ZFP90: variants seen among roughly 807,000 people sequenced by gnomAD.
The protein encoded by ZFP90 is zinc finger protein 90 homolog.
Under a neutral mutation model 60.8 loss-of-function variants are expected in ZFP90, and 38 were observed. The observed-to-expected ratio is 0.62, with a 90% CI of 0.48 to 0.82. The LOEUF is 0.82. Among genes scored for constraint, ZFP90 ranks in the 40% least tolerant of loss-of-function variants. ZFP90 has a pLI of 0.00. For synonymous variants in ZFP90, 287 were observed against 264.8 expected (o/e 1.08, Z -0.82); for missense variants, 711 against 759.1 (o/e 0.94, Z 0.74).
At chr16:68,537,155 TC>T (rs2090966856), upstream of ZFP90, among the ~76,000 whole-genome samples, 2 of 151,332 alleles carry the variant, frequency 1.3e-5, no homozygotes, top group Admixed American at 6.6e-5. Flanking sequence ...AGACAGAGTC[TC>T]CATCTCTCAC....
chr16:68,558,440 A>T (rs1163813732), intron 3 of ZFP90, 33 bp from the exon 4 acceptor site: 5 of 1,602,324 alleles, frequency 3.1e-6, no homozygotes, highest in Non-Finnish European at 4.3e-6. Flanking sequence ...ACTTGCACAA[A>T]CAACCAAATC....
At chr16:68,542,890 A>G (rs532659301) in intron 2 of ZFP90, among the ~76,000 whole-genome samples, 1 of 152,220 alleles carries the variant, frequency 6.6e-6, no homozygotes, top group Non-Finnish European at 1.5e-5. Context: ...GAACAAAATT[A>G]GGACCCTGCT....
downstream of ZFP90, among the ~76,000 whole-genome samples, chr16:68,569,971 T>C (rs906667654): frequency 2.0e-5 from 3 of 152,094 alleles, no homozygotes; most frequent in Non-Finnish European, 4.4e-5. Context: ...GCATTTATTT[T>C]TTTTTTCGTC....
intron 2 of ZFP90, among the ~76,000 whole-genome samples, chr16:68,540,326 A>G (rs927494337): frequency 6.6e-6 from 1 of 152,148 alleles, no homozygotes; most frequent in Non-Finnish European, 1.5e-5. Flanking sequence ...CAAAAACAAA[A>G]CAAAATAAAA....
In ZFP90 at chr16:68,548,514, G is replaced by A. The variant is rs150743228; in HGVS notation, c.33+8689G>A. Among the ~76,000 whole-genome samples, 512 of 90,228 alleles carry A rather than the reference G, an allele frequency of 5.7e-3. 4 individuals carry two copies. The highest frequency in any genetic ancestry group is 0.022 in the African/African-American group (466 of 21,096). 59.2% of individuals were successfully genotyped at this position (90,228 alleles called of 152,430 possible). On this transcript the variant is annotated intron_variant, in intron 2 of 4. Transcript: ENST00000563169. ...TTTTTTTTTTTTTTTTATTGAGACGGAGTTTCGCTCTTATTGCCCAGGCTG... is the reference window on the plus strand; with the variant it reads ...TTTTTTTTTTTTTTTTATTGAGACGAAGTTTCGCTCTTATTGCCCAGGCTG...
rs34731750 is a variant in ZFP90, at chr16:68,576,040, T to TAA, written c.*180_*181dup. ...TGCAGCAAGCTAGGAAACATTTATTTAAAAAAAAAAAAAAAAAGCATTTCA... is the reference window on the plus strand; with the variant it reads ...TGCAGCAAGCTAGGAAACATTTATTTAAAAAAAAAAAAAAAAAAAGCATTTCA... On this transcript the variant is annotated 3_prime_UTR_variant, in exon 3 of 3. Coordinates refer to the ZFP90 transcript ENST00000573113. 2,253 of 276,772 alleles carry TAA rather than the reference T, an allele frequency of 8.1e-3. 23 individuals carry two copies. Among genetic ancestry groups the TAA allele is most frequent in the African/African-American group, 0.029 (1,246 of 42,564 alleles). The allele number at this position is 276,772 out of a possible 1,614,324, so 17.1% of individuals were successfully genotyped here. A position where few individuals can be genotyped will look rare whatever the true frequency, so the allele number is the denominator to read the frequency against.
chr16:68,560,945 G>T (rs975026232), intron 4 of ZFP90, among the ~76,000 whole-genome samples: 14 of 148,180 alleles, frequency 9.4e-5, no homozygotes, highest in Non-Finnish European at 5.9e-5. Context: ...ACAATGGCAT[G>T]ATGCAGTGGC....
At chr16:68,573,761 T>A (rs1051803226) in intron 2 of ZFP90, 1 of 152,176 alleles carries the variant, frequency 6.6e-6, no homozygotes, top group African/African-American at 2.4e-5. Flanking sequence ...AGATGTGTAG[T>A]TCCGCCAGGT....
chr16:68,561,955 T>G (rs112000061), intron 4 of ZFP90: 1 of 152,206 alleles, frequency 6.6e-6, no homozygotes, highest in East Asian at 1.9e-4. Flanking sequence ...CCACCAAGAT[T>G]ATCACATTTG....
intron 2 of ZFP90, among the ~76,000 whole-genome samples, chr16:68,553,770 C>G (rs1191831163): frequency 6.6e-6 from 1 of 152,164 alleles, no homozygotes; most frequent in African/African-American, 2.4e-5. Flanking sequence ...AGATGCAAGC[C>G]ACCATGCCCA....
intron 4 of ZFP90, chr16:68,562,278 T>C (rs956396284): frequency 6.6e-6 from 1 of 152,260 alleles, no homozygotes; most frequent in Non-Finnish European, 1.5e-5. Flanking sequence ...TTTCCATCAC[T>C]CCAAAAAGCT....
In ZFP90 at chr16:68,563,356, G is replaced by A; in HGVS notation, c.569G>A (p.Ser190Asn). 2 of 1,614,170 alleles carry A rather than the reference G, an allele frequency of 1.2e-6. No individual in the cohort carries two copies. The highest frequency in any genetic ancestry group is 1.7e-6 in the Non-Finnish European group (2 of 1,180,024). ...CCTAGTGAATGTGAGACCCTTGGAA[G>A]CAATTTGGGACATAATGCAGACTTA... The part of the protein sequence containing the change: ...IRPSECETLG[S>N]NLGHNADLLN... Residue 190 changes from serine to asparagine, a missense_variant, in exon 5 of 5, where the codon AGC (serine) becomes AAC (asparagine). By Grantham distance (46) the Ser-to-Asn change is conservative. Transcript: ENST00000563169.
At chr16:68,560,969 A>G (rs1012928715) in intron 4 of ZFP90, among the ~76,000 whole-genome samples, 2 of 150,944 alleles carry the variant, frequency 1.3e-5, no homozygotes, top group African/African-American at 4.9e-5. Context: ...ATCTCGTCTC[A>G]CTGCAACCTC....
chr16:68,558,694 C>A, intron 4 of ZFP90, 126 bp downstream of exon 4: 1 of 745,832 alleles, frequency 1.3e-6, no homozygotes, highest in East Asian at 2.7e-5. Flanking sequence ...AAGCCATCGC[C>A]TGGCCGACAC....
downstream of ZFP90, among the ~76,000 whole-genome samples, chr16:68,576,484 C>T (rs571607396): frequency 3.5e-4 from 53 of 152,108 alleles, no homozygotes; most frequent in Non-Finnish European, 6.2e-4. Context: ...CGGTGGCTCA[C>T]GCCTGTAATC....
intron 2 of ZFP90, chr16:68,574,110 G>T (rs903878109): frequency 2.6e-5 from 4 of 151,128 alleles, no homozygotes; most frequent in African/African-American, 9.7e-5. Context: ...ACCTTTGCCA[G>T]ATGGCAGGAG....
chr16:68,567,738 T>A (rs1567415870), downstream of ZFP90, among the ~76,000 whole-genome samples: 1 of 152,210 alleles, frequency 6.6e-6, no homozygotes, highest in Admixed American at 6.5e-5. Flanking sequence ...TTCTCCTTTT[T>A]GCTCAAGCTA....
At chr16:68,553,131 A>G (rs1452321497) in intron 2 of ZFP90, among the ~76,000 whole-genome samples, 1 of 152,238 alleles carries the variant, frequency 6.6e-6, no homozygotes, top group Non-Finnish European at 1.5e-5. Flanking sequence ...TCAACAGTAA[A>G]GAAAATAAAT....
downstream of ZFP90, among the ~76,000 whole-genome samples, chr16:68,571,179 G>A (rs182951916): frequency 5.3e-5 from 8 of 152,346 alleles, no homozygotes; most frequent in East Asian, 1.5e-3. Context: ...TTCTGCAACA[G>A]CATCAAGGGT....
Sources: gnomAD v4.1 joint callset for allele counts (sites outside exome capture counted in the v4.1 genomes callset) on GRCh38, gnomAD v4.1.1 for gene constraint, MANE v1.5 for transcripts, NCBI Gene and HGNC (gene_info 2026-07-23, HGNC 2026-07-21) for gene names.